Variants in WDR7 observed in about 807,000 individuals in gnomAD.
The protein encoded by WDR7 is WD repeat domain 7, also known as WD repeat-containing protein 7.
WDR7 carries 46 observed loss-of-function variants against 169.4 expected under a neutral mutation model. The ratio of observed to expected loss-of-function variants is 0.27; its 90% CI spans 0.21 to 0.35. The LOEUF is 0.35. WDR7 is among the 10% of genes least tolerant of loss of function. The pLI is 1.00. For synonymous variants in WDR7, 612 were observed against 666.8 expected, an observed-to-expected ratio of 0.92 and a Z score of 1.27; for missense variants, 1,534 against 1,859.3, an observed-to-expected ratio of 0.83 and a Z score of 3.22.
intron 12 of WDR7, among the ~76,000 whole-genome samples, chr18:56,708,580 C>T (rs1010679017): frequency 2.0e-5 from 3 of 152,094 alleles, no homozygotes; most frequent in Non-Finnish European, 4.4e-5. Flanking sequence ...CAGATGACAG[C>T]GGACAGCTGA....
At chr18:56,980,982 A>T (rs1476940839) in intron 26 of WDR7, among the ~76,000 whole-genome samples, 1 of 152,218 alleles carries the variant, frequency 6.6e-6, no homozygotes, top group African/African-American at 2.4e-5. Context: ...TTTTATAAAG[A>T]TCATTTTTGC....
Position 56,962,489 on chromosome 18 carries a change from G to T in WDR7, c.4124G>T (p.Gly1375Val). The T allele has an allele frequency of 6.2e-7, 1 of 1,613,038 alleles. No homozygotes were observed. The highest frequency in any genetic ancestry group is 8.5e-7 in the Non-Finnish European group (1 of 1,179,320). The change falls in exon 26 of 28, where the codon GGT (glycine) becomes GTT (valine). Residue 1375 changes from glycine (G) to valine (V), a missense_variant. Coordinates refer to ENST00000254442, the MANE Select transcript of WDR7 (RefSeq NM_015285.3). ...AGAATAGCAGTTGGAGCTCGCCATG[G>T]TTCAGTGGCCCTGTACGACATCCGG... ...NHRIAVGARH[G>V]SVALYDIRTG...
intron 26 of WDR7, among the ~76,000 whole-genome samples, chr18:56,976,119 T>C (rs996175476): frequency 6.6e-6 from 1 of 152,162 alleles, no homozygotes; most frequent in Non-Finnish European, 1.5e-5. Flanking sequence ...TTGGAAATGA[T>C]CCCAGCACAG....
chr18:56,996,626 T>A (rs1435237617), intron 26 of WDR7, among the ~76,000 whole-genome samples: 1 of 149,418 alleles, frequency 6.7e-6, no homozygotes, highest in Non-Finnish European at 1.5e-5. Context: ...CTGGTAAAAA[T>A]TTTGTTTTCC....
intron 19 of WDR7, among the ~76,000 whole-genome samples, chr18:56,807,600 A>C (rs568029462): frequency 6.6e-6 from 1 of 151,864 alleles, no homozygotes; most frequent in Admixed American, 6.6e-5. Flanking sequence ...TTACTTACAT[A>C]TTTTTCAGTA....
chr18:56,875,977 C>T (rs951548933), intron 20 of WDR7, among the ~76,000 whole-genome samples: 1 of 152,130 alleles, frequency 6.6e-6, no homozygotes, highest in African/African-American at 2.4e-5. Context: ...CATACTGCCA[C>T]TACCATGATC....
At chr18:56,790,353 C>T (rs1030299523) in intron 19 of WDR7, among the ~76,000 whole-genome samples, 16 of 152,086 alleles carry the variant, frequency 1.1e-4, no homozygotes, top group African/African-American at 2.7e-4. Context: ...TAATTTTGTA[C>T]CCTGTTTCTG....
At chr18:56,828,720 A>C (rs2045256176) in intron 20 of WDR7, among the ~76,000 whole-genome samples, 1 of 152,170 alleles carries the variant, frequency 6.6e-6, no homozygotes. Context: ...CTCAGTTTTT[A>C]AGAGGGTGTG....
At chr18:56,660,386 C>T (rs996185796) in intron 1 of WDR7, among the ~76,000 whole-genome samples, 4 of 152,136 alleles carry the variant, frequency 2.6e-5, no homozygotes, top group Non-Finnish European at 5.9e-5. Context: ...TGAGCATAAA[C>T]ATGACACTCC....
chr18:56,679,349 G>A lies in WDR7; in HGVS notation c.177G>A (p.Leu59=). Residue 59 remains leucine, a synonymous_variant, in exon 3 of 28, where the codon CTG becomes CTA. Coordinates refer to ENST00000254442, the MANE Select transcript of WDR7 (RefSeq NM_015285.3). ...ATTTCTAGATTAATCCTCGAGCACT[G>A]TTGTTTGGTCATACAGCATCAATCA... ...SVELQINPRA[L]LFGHTASITC... is the part of the protein sequence containing the mutation. 1 of 1,611,064 alleles carries A rather than the reference G, an allele frequency of 6.2e-7. No homozygotes were observed. Among genetic ancestry groups the A allele is most frequent in the Non-Finnish European group, 8.5e-7 (1 of 1,177,592 alleles).
intron 1 of WDR7, among the ~76,000 whole-genome samples, chr18:56,661,788 C>A (rs1381483981): frequency 6.6e-6 from 1 of 152,114 alleles, no homozygotes. Flanking sequence ...TATGACCTAG[C>A]TGTTTCATAG....
At chr18:56,918,258 T>G (rs1056096792) in intron 21 of WDR7, among the ~76,000 whole-genome samples, 14 of 152,158 alleles carry the variant, frequency 9.2e-5, no homozygotes, top group African/African-American at 3.4e-4. Flanking sequence ...GGCCCCAGAT[T>G]GACATGAATA....
chr18:56,729,515 A>C (rs2026536409), intron 13 of WDR7, among the ~76,000 whole-genome samples: 1 of 152,060 alleles, frequency 6.6e-6, no homozygotes, highest in Admixed American at 6.5e-5. Flanking sequence ...ATTTTCATTT[A>C]ACAGTATGTT....
At chr18:56,796,347 A>G (rs2044585838) in intron 19 of WDR7, among the ~76,000 whole-genome samples, 1 of 152,190 alleles carries the variant, frequency 6.6e-6, no homozygotes, top group Non-Finnish European at 1.5e-5. Flanking sequence ...AAGTGATTGC[A>G]TGACTTTGGG....
intron 19 of WDR7, among the ~76,000 whole-genome samples, chr18:56,788,592 C>T (rs2044437917): frequency 6.6e-6 from 1 of 152,076 alleles, no homozygotes; most frequent in South Asian, 2.1e-4. Flanking sequence ...TCCTCACTTT[C>T]TGCTTGCTGG....
intron 25 of WDR7, among the ~76,000 whole-genome samples, chr18:56,954,712 T>C (rs2047228371): frequency 6.6e-6 from 1 of 152,104 alleles, no homozygotes; most frequent in South Asian, 2.1e-4. Context: ...TTCTTTAAAA[T>C]TGGATATATA....
intron 20 of WDR7, among the ~76,000 whole-genome samples, chr18:56,870,912 T>C (rs996370384): frequency 2.6e-5 from 4 of 152,250 alleles, no homozygotes; most frequent in Admixed American, 2.6e-4. Flanking sequence ...CACATTTCAC[T>C]ATCATGTATT....
chr18:56,995,660 A>G (rs116620855), intron 26 of WDR7, among the ~76,000 whole-genome samples: 346 of 152,282 alleles, frequency 2.3e-3, no homozygotes, highest in African/African-American at 7.9e-3. Context: ...TTAGTCCTTT[A>G]TACCACAAAA....
At chr18:57,014,976 A>C (rs1034689771) in intron 26 of WDR7, among the ~76,000 whole-genome samples, 9 of 152,340 alleles carry the variant, frequency 5.9e-5, no homozygotes, top group African/African-American at 1.4e-4. Flanking sequence ...TACTGAGGCC[A>C]GGACCAGAGG....
Sources: gnomAD v4.1 joint callset for allele counts (sites outside exome capture counted in the v4.1 genomes callset) on GRCh38, gnomAD v4.1.1 for gene constraint, MANE v1.5 for transcripts, NCBI Gene and HGNC (gene_info 2026-07-23, HGNC 2026-07-21) for gene names.